ZNF516: variants seen among roughly 807,000 people sequenced by gnomAD.
ZNF516 encodes the protein zinc finger protein 516.
A neutral mutation model predicts 79.7 loss-of-function variants in ZNF516; 19 were observed. The ratio of observed to expected loss-of-function variants is 0.24; its 90% CI spans 0.17 to 0.35. ZNF516 has a LOEUF of 0.35. Among genes scored for constraint, ZNF516 ranks in the 10% least tolerant of loss-of-function variants. ZNF516 has a pLI of 1.00. For synonymous variants in ZNF516, 877 were observed against 739.5 expected (o/e 1.19, Z -3.02); for missense variants, 1,678 against 1,679.5 (o/e 1.00, Z 0.02).
At chr18:76,419,166 G>A (rs1195009836) in intron 3 of ZNF516, among the ~76,000 whole-genome samples, 1 of 152,202 alleles carries the variant, frequency 6.6e-6, no homozygotes, top group Admixed American at 6.5e-5. Flanking sequence ...GACCCTGGGG[G>A]AATTCAGGAT....
chr18:76,382,375 T>C (rs574368548), intron 3 of ZNF516, among the ~76,000 whole-genome samples: 32 of 152,250 alleles, frequency 2.1e-4, no homozygotes, highest in African/African-American at 7.2e-4. Context: ...AAAGGCAACA[T>C]CCAGCAGGGA....
At chr18:76,409,615 A>G (rs1306720034) in intron 3 of ZNF516, among the ~76,000 whole-genome samples, 1 of 152,186 alleles carries the variant, frequency 6.6e-6, no homozygotes, top group Non-Finnish European at 1.5e-5. Flanking sequence ...CTATTACACC[A>G]AAAATATGCT....
chr18:76,409,719 T>C (rs1176331318), intron 3 of ZNF516, among the ~76,000 whole-genome samples: 2 of 152,196 alleles, frequency 1.3e-5, no homozygotes, highest in African/African-American at 2.4e-5. Flanking sequence ...CTGGAGATGG[T>C]GGAAAACCGA....
chr18:76,409,714 G>A (rs1427866557), intron 3 of ZNF516, among the ~76,000 whole-genome samples: 7 of 152,238 alleles, frequency 4.6e-5, no homozygotes, highest in Admixed American at 4.6e-4. Flanking sequence ...TGTAGCTGGA[G>A]ATGGTGGAAA....
At chr18:76,400,561 G>A (rs914733139) in intron 3 of ZNF516, among the ~76,000 whole-genome samples, 1 of 152,164 alleles carries the variant, frequency 6.6e-6, no homozygotes, top group African/African-American at 2.4e-5. Flanking sequence ...CCCCGTACTT[G>A]GTTGAGTGTG....
chr18:76,453,230 G>C (rs1912523440), intron 2 of ZNF516, among the ~76,000 whole-genome samples: 1 of 152,302 alleles, frequency 6.6e-6, no homozygotes, highest in Non-Finnish European at 1.5e-5. Flanking sequence ...GGATTTGGAG[G>C]TAAATCCAGG....
At chr18:76,378,537 G>A (rs1362431887) in intron 4 of ZNF516, among the ~76,000 whole-genome samples, 1 of 152,232 alleles carries the variant, frequency 6.6e-6, no homozygotes, top group Non-Finnish European at 1.5e-5. Flanking sequence ...CGGAATGTCG[G>A]TGTGGAGGAA....
At chr18:76,449,627 C>A (rs1912272984) in intron 2 of ZNF516, among the ~76,000 whole-genome samples, 1 of 152,218 alleles carries the variant, frequency 6.6e-6, no homozygotes, top group South Asian at 2.1e-4. Context: ...TCTATTTTAT[C>A]ATACTCCAGT....
Position 76,380,016 on chromosome 18 carries a change from C to G in ZNF516, c.2098G>C (p.Glu700Gln). 1.2e-6 allele frequency: 2 copies of G among 1,613,954 alleles called. No homozygotes were observed. Among genetic ancestry groups the G allele is most frequent in the Non-Finnish European group, 1.7e-6 (2 of 1,179,866 alleles). The change falls in exon 4 of 7, where the codon GAG becomes CAG. Residue 700 changes from glutamate (E) to glutamine (Q), a missense_variant. By Grantham distance (29) the Glu-to-Gln change is conservative. Transcript: ENST00000443185. ...TCTGCAGGGTGACCCGTCTGGCCCTCCGCTCCCGTACTGGAAGGGAACTCC... is the reference window on the plus strand; with the variant it reads ...TCTGCAGGGTGACCCGTCTGGCCCTGCGCTCCCGTACTGGAAGGGAACTCC... ...GVEFPSSTGA[E>Q]GQTGHPAEKL...
Position 76,495,215 on chromosome 18 carries a change from C to A in ZNF516, c.-343G>T, listed in dbSNP as rs1212752097. On this transcript the variant is annotated 5_prime_UTR_variant, in exon 1 of 7. Coordinates refer to ENST00000443185, the MANE Select transcript of ZNF516 (RefSeq NM_014643.4). Reference sequence around the variant, plus strand: ...GCGCATCTGAAGGTGAAGCCGAGCGCCCGCGGCGCGGAGCCGAGCGCTGCA... The same window carrying A: ...GCGCATCTGAAGGTGAAGCCGAGCGACCGCGGCGCGGAGCCGAGCGCTGCA... 3 of 148,106 alleles carry A rather than the reference C, an allele frequency of 2.0e-5. No homozygotes were observed. Among genetic ancestry groups the A allele is most frequent in the East Asian group, 2.0e-4 (1 of 4,994 alleles). The allele number at this position is 148,106 out of a possible 1,614,324, so 9.2% of individuals were successfully genotyped here. A position where few individuals can be genotyped will look rare whatever the true frequency, so the allele number is the denominator to read the frequency against.
chr18:76,407,756 G>A (rs1428048274), intron 3 of ZNF516, among the ~76,000 whole-genome samples: 2 of 152,238 alleles, frequency 1.3e-5, no homozygotes, highest in Admixed American at 6.5e-5. Flanking sequence ...CAGCCCGCAA[G>A]AAACAGTCGT....
chr18:76,476,468 C>A (rs1458616969), intron 1 of ZNF516, among the ~76,000 whole-genome samples: 1 of 152,156 alleles, frequency 6.6e-6, no homozygotes, highest in African/African-American at 2.4e-5. Context: ...CAATTCACTT[C>A]CCAGCAAAAA....
At chr18:76,441,214 G>A in intron 3 of ZNF516, 31 bp downstream of exon 3, 2 of 1,593,388 alleles carry the variant, frequency 1.3e-6, no homozygotes, top group Non-Finnish European at 1.7e-6. Flanking sequence ...TGGGATCCCA[G>A]GACCCAGGCC....
At chr18:76,392,570 GTGGA>G in intron 3 of ZNF516, among the ~76,000 whole-genome samples, 2 of 149,640 alleles carry the variant, frequency 1.3e-5, no homozygotes, top group African/African-American at 5.0e-5. Context: ...TGGGGGAAAG[GTGGA>G]TGGGAAGGCA....
chr18:76,409,012 G>T (rs2075338151), intron 3 of ZNF516, among the ~76,000 whole-genome samples: 1 of 151,796 alleles, frequency 6.6e-6, no homozygotes, highest in Non-Finnish European at 1.5e-5. Flanking sequence ...AGAAAACAAA[G>T]AAGCTATAAA....
intron 6 of ZNF516, among the ~76,000 whole-genome samples, chr18:76,370,028 C>T (rs1192993022): frequency 6.6e-6 from 1 of 152,206 alleles, no homozygotes; most frequent in African/African-American, 2.4e-5. Context: ...TAAGGTGCAT[C>T]ACAGACACAG....
intron 3 of ZNF516, among the ~76,000 whole-genome samples, chr18:76,382,967 G>C (rs560665076): frequency 3.3e-5 from 5 of 151,578 alleles, no homozygotes; most frequent in African/African-American, 1.2e-4. Context: ...ACCCTGGAGG[G>C]GGAGGCTGCA....
chr18:76,421,648 G>A (rs1381568972), intron 3 of ZNF516, among the ~76,000 whole-genome samples: 2 of 152,238 alleles, frequency 1.3e-5, no homozygotes, highest in Non-Finnish European at 2.9e-5. Flanking sequence ...CCAAGCCACA[G>A]GGAGCAGGTC....
rs2144862067 is a variant in ZNF516 at position 76,362,199 on chromosome 18, T to TACTG, written c.*295_*298dup. The TACTG allele has an allele frequency of 3.1e-6, 1 of 322,636 alleles. No homozygotes were observed. Among genetic ancestry groups the TACTG allele is most frequent in the South Asian group, 6.7e-5 (1 of 14,926 alleles). The allele number at this position is 322,636 out of a possible 1,614,324, so 20.0% of individuals were successfully genotyped here. On this transcript the variant is annotated 3_prime_UTR_variant, in exon 7 of 7. Transcript: ENST00000443185. The stretch of plus-strand genomic sequence containing the variant: ...GTGCCCCTACTGTGCCTGCCAGTAC[T>TACTG]ACTGTTTATTATAAGAAAATATGGG...
Sources: gnomAD v4.1 joint callset for allele counts (sites outside exome capture counted in the v4.1 genomes callset) on GRCh38, gnomAD v4.1.1 for gene constraint, MANE v1.5 for transcripts, NCBI Gene and HGNC (gene_info 2026-07-23, HGNC 2026-07-21) for gene names.